CAMK1D: variants seen among roughly 807,000 people sequenced by gnomAD.
CAMK1D encodes calcium/calmodulin-dependent protein kinase type 1D.
CAMK1D carries 9 observed loss-of-function variants against 47.7 expected under a neutral mutation model. The observed-to-expected ratio is 0.19, with a 90% CI of 0.11 to 0.33. The LOEUF (loss-of-function observed/expected upper bound fraction) is 0.33. Among genes scored for constraint, CAMK1D ranks in the 10% least tolerant of loss-of-function variants. CAMK1D has a pLI of 1.00. For missense variants in CAMK1D, 291 were observed against 488.7 expected (o/e 0.60, Z 3.81); for synonymous variants, 184 against 184.9 (o/e 0.99, Z 0.04).
chr10:12,792,001 T>A (rs1286424429), intron 6 of CAMK1D, among the ~76,000 whole-genome samples: 3 of 152,210 alleles, frequency 2.0e-5, no homozygotes, highest in Non-Finnish European at 4.4e-5. Flanking sequence ...TTTTTTTCAA[T>A]AATAGCCCTC....
At chr10:12,398,754 A>T (rs1454049335) in intron 1 of CAMK1D, among the ~76,000 whole-genome samples, 1 of 152,112 alleles carries the variant, frequency 6.6e-6, no homozygotes, top group Non-Finnish European at 1.5e-5. Flanking sequence ...TTTATTTGGA[A>T]ATATATCTCC....
At chr10:12,513,741 C>G (rs1835107593) in intron 1 of CAMK1D, among the ~76,000 whole-genome samples, 1 of 152,170 alleles carries the variant, frequency 6.6e-6, no homozygotes, top group African/African-American at 2.4e-5. Flanking sequence ...GTGGAGGCTT[C>G]AGTGGGCCGT....
intron 1 of CAMK1D, among the ~76,000 whole-genome samples, chr10:12,521,261 A>G (rs1390788186): frequency 6.6e-6 from 1 of 152,124 alleles, no homozygotes; most frequent in African/African-American, 2.4e-5. Context: ...ACTTAATGTC[A>G]TACATTTCTC....
At chr10:12,475,856 G>C (rs1004848992) in intron 1 of CAMK1D, among the ~76,000 whole-genome samples, 5 of 152,092 alleles carry the variant, frequency 3.3e-5, no homozygotes, top group African/African-American at 1.2e-4. Context: ...GTTCATGCTA[G>C]AGGCATGGCT....
intron 1 of CAMK1D, among the ~76,000 whole-genome samples, chr10:12,376,624 G>A (rs915635092): frequency 6.6e-6 from 1 of 152,154 alleles, no homozygotes; most frequent in African/African-American, 2.4e-5. Context: ...CTTGCCTGGA[G>A]CCTGGAACTG....
intron 1 of CAMK1D, among the ~76,000 whole-genome samples, chr10:12,438,396 C>G (rs1832694157): frequency 6.6e-6 from 1 of 152,140 alleles, no homozygotes; most frequent in African/African-American, 2.4e-5. Context: ...GCTATTGTCC[C>G]TGCTGAATTG....
At chr10:12,750,103 G>A (rs1405029430) in intron 3 of CAMK1D, among the ~76,000 whole-genome samples, 1 of 152,174 alleles carries the variant, frequency 6.6e-6, no homozygotes, top group Non-Finnish European at 1.5e-5. Context: ...GTACATTTGT[G>A]CAATAACAAG....
At position 12,829,382 on chromosome 10, in the gene CAMK1D, AC is replaced by A. The variant is rs1450851821; in HGVS notation, c.*497del. On this transcript the variant is annotated 3_prime_UTR_variant, in exon 11 of 11. Transcript: ENST00000619168. ...CCTCTTTAATAGTAGTTTTATGTTA[AC>A]CTTTAAGAGATTTGTTTTTCCTCAA... is the stretch of plus-strand genomic sequence containing the variant. 1.3e-5 allele frequency: 2 copies of A among 152,640 alleles called. No individual in the cohort carries two copies. The highest frequency in any genetic ancestry group is 4.8e-5 in the African/African-American group (2 of 41,412). 9.5% of individuals were successfully genotyped at this position (152,640 alleles called of 1,614,324 possible). A position where few individuals can be genotyped will look rare whatever the true frequency, so the allele number is the denominator to read the frequency against.
chr10:12,631,970 A>G (rs1252534600), intron 2 of CAMK1D, among the ~76,000 whole-genome samples: 1 of 152,140 alleles, frequency 6.6e-6, no homozygotes, highest in African/African-American at 2.4e-5. Flanking sequence ...ATATTTGTTC[A>G]ATGAGTGAGC....
intron 3 of CAMK1D, among the ~76,000 whole-genome samples, chr10:12,758,642 A>T (rs1283648113): frequency 1.3e-5 from 2 of 152,224 alleles, no homozygotes. Context: ...AGATTTTTTC[A>T]TTCAGTAGAA....
At chr10:12,453,447 C>G (rs1374214681) in intron 1 of CAMK1D, among the ~76,000 whole-genome samples, 1 of 152,134 alleles carries the variant, frequency 6.6e-6, no homozygotes, top group African/African-American at 2.4e-5. Context: ...CTCGGCCTCC[C>G]AAAGTGCTAG....
chr10:12,528,184 A>G (rs1835687599), intron 1 of CAMK1D, among the ~76,000 whole-genome samples: 1 of 152,256 alleles, frequency 6.6e-6, no homozygotes, highest in Admixed American at 6.5e-5. Flanking sequence ...CTAGTTAGTC[A>G]AGGAATGATC....
chr10:12,357,922 G>C (rs1588400296), intron 1 of CAMK1D, among the ~76,000 whole-genome samples: 2 of 151,832 alleles, frequency 1.3e-5, no homozygotes, highest in African/African-American at 4.8e-5. Flanking sequence ...GATTATTCAG[G>C]CTCCAGTTAG....
chr10:12,419,088 T>C (rs1839954964), intron 1 of CAMK1D, among the ~76,000 whole-genome samples: 1 of 152,168 alleles, frequency 6.6e-6, no homozygotes, highest in Non-Finnish European at 1.5e-5. Context: ...TGAGAGGTCA[T>C]CCGTTTCAAA....
intron 1 of CAMK1D, among the ~76,000 whole-genome samples, chr10:12,371,156 G>A (rs1837992761): frequency 6.6e-6 from 1 of 152,096 alleles, no homozygotes; most frequent in South Asian, 2.1e-4. Flanking sequence ...CAGTAGTGTA[G>A]AGTAATGCTC....
chr10:12,500,179 T>C, intron 1 of CAMK1D, among the ~76,000 whole-genome samples: 1 of 152,124 alleles, frequency 6.6e-6, no homozygotes, highest in East Asian at 1.9e-4. Flanking sequence ...GGCAAGAGAA[T>C]CGCTTGAACC....
intron 1 of CAMK1D, among the ~76,000 whole-genome samples, chr10:12,506,854 C>T (rs577673653): frequency 5.9e-5 from 9 of 152,290 alleles, no homozygotes; most frequent in East Asian, 1.9e-4. Flanking sequence ...TTGGTGCCCC[C>T]GAGCCCGAGG....
chr10:12,473,031 C>T (rs925068104), intron 1 of CAMK1D, among the ~76,000 whole-genome samples: 11 of 152,062 alleles, frequency 7.2e-5, no homozygotes, highest in African/African-American at 1.4e-4. Context: ...TATGCCTGAC[C>T]GGAAGTCAGG....
chr10:12,585,955 T>C (rs544156961), intron 2 of CAMK1D, among the ~76,000 whole-genome samples: 1 of 152,308 alleles, frequency 6.6e-6, no homozygotes, highest in East Asian at 1.9e-4. Context: ...CAGGTTTTAA[T>C]TGAAGGTCAG....
Sources: allele counts gnomAD v4.1 joint callset (sites outside exome capture counted in the v4.1 genomes callset), GRCh38; gene constraint gnomAD v4.1.1; transcripts MANE v1.5; gene names NCBI Gene and HGNC (gene_info 2026-07-23, HGNC 2026-07-21).